The following ATP11A variants were observed in gnomAD, a reference collection of about 807,000 sequenced individuals.
The protein encoded by ATP11A is ATPase phospholipid transporting 11A.
Under a neutral mutation model 154.4 loss-of-function variants are expected in ATP11A, and 81 were observed. The observed-to-expected ratio is 0.52, with a 90% CI of 0.44 to 0.63. The LOEUF (loss-of-function observed/expected upper bound fraction) is 0.63. Among genes scored for constraint, ATP11A ranks in the 30% least tolerant of loss-of-function variants. ATP11A has a pLI of 0.00. For synonymous variants in ATP11A, 623 were observed against 585.9 expected (o/e 1.06, Z -0.91); for missense variants, 1,316 against 1,474.3 (o/e 0.89, Z 1.76).
At chr13:112,821,519 G>T (rs552832111) in intron 8 of ATP11A, among the ~76,000 whole-genome samples, 1 of 152,068 alleles carries the variant, frequency 6.6e-6, no homozygotes, top group Non-Finnish European at 1.5e-5. Context: ...TTGCCATGTC[G>T]GTCAAGCTAG....
In ATP11A at chr13:112,690,092, GCCGCGGCCGGGGTGCTCC is replaced by G; in HGVS notation, c.-324_-307del. On this transcript the variant is annotated 5_prime_UTR_variant, in exon 1 of 30. Coordinates refer to ENST00000375645, the MANE Select transcript of ATP11A (RefSeq NM_015205.3). This position sits in a 1 kb window ranked among gnomAD's most constrained non-coding sequence, Gnocchi z 5.6. ...TCGGGAGGAGCAGAGCGCAGGCTCC[GCCGCGGCCGGGGTGCTCC>G]AGCCGAGCCCAACCGAGCGGGCGGA... Among the ~76,000 whole-genome samples, 1 of 148,536 alleles carries G rather than the reference GCCGCGGCCGGGGTGCTCC, an allele frequency of 6.7e-6. No individual in the cohort carries two copies. The highest frequency in any genetic ancestry group is 1.5e-5 in the Non-Finnish European group (1 of 66,536).
Position 112,806,249 on chromosome 13 carries a change from G to A in ATP11A, c.289G>A (p.Gly97Arg), listed in dbSNP as rs150693839. The change falls in exon 4 of 30, where the codon GGA becomes AGA. Residue 97 changes from glycine to arginine, a missense_variant. This residue lies in a region of ATP11A where 4 missense variants were observed against 16.9 expected (regional missense o/e 0.24). Transcript: ENST00000375645. The stretch of plus-strand genomic sequence containing the variant: ...TACACCCACAAGTCCAGTGACAAGC[G>A]GACTTCCACTCTTCTTTGTCATTAC... Reference protein sequence around the residue: ...IDTPTSPVTSGLPLFFVITVT... With the variant: ...IDTPTSPVTSRLPLFFVITVT... The A allele has an allele frequency of 5.0e-6, 8 of 1,613,278 alleles. No homozygotes were observed. Among genetic ancestry groups the A allele is most frequent in the African/African-American group, 1.3e-5 (1 of 74,844 alleles).
chr13:112,818,398 CCT>C (rs1347752332), intron 6 of ATP11A, among the ~76,000 whole-genome samples: 9 of 152,176 alleles, frequency 5.9e-5, no homozygotes, highest in East Asian at 5.8e-4. Context: ...ACCGTGTCCC[CCT>C]GATTTGTGCA....
chr13:112,753,837 T>C lies in ATP11A; in HGVS notation c.40-31298T>C, dbSNP rs967877437. 6.6e-6 allele frequency among the ~76,000 whole-genome samples: 1 copy of C among 152,342 alleles called. No individual in the cohort carries two copies. Among genetic ancestry groups the C allele is most frequent in the African/African-American group, 2.4e-5 (1 of 41,558 alleles). On this transcript the variant is annotated intron_variant, in intron 1 of 29. Transcript: ENST00000375645. The surrounding 1 kb of genome is among the most constrained non-coding windows in gnomAD (Gnocchi z 4.1). ...ATTTAACTGCAGTCAAACAGGCTTA[T>C]GTTAGAAGCGCTTTTTCCAAAATGC...
intron 16 of ATP11A, among the ~76,000 whole-genome samples, chr13:112,839,104 G>A (rs7981466): frequency 0.014 from 2,200 of 152,182 alleles, 57 homozygotes; most frequent in African/African-American, 0.05. Context: ...GATTCTCCAC[G>A]GTGGAATTTT....
chr13:112,715,426 ACCTCC>A (rs1888324891), intron 1 of ATP11A, among the ~76,000 whole-genome samples: 1 of 50,742 alleles, frequency 2.0e-5, no homozygotes, highest in Non-Finnish European at 3.5e-5. Context: ...CACCTGGCCC[ACCTCC>A]CCACACCTGG....
rs567193358 is a variant in ATP11A at position 112,722,249 on chromosome 13, A to G, written c.39+31794A>G. ...GTACAATGGTTTTGCCCAGAAATGC[A>G]GGACAGCTGTAAGTGGGCCGGCGGG... On this transcript the variant is annotated intron_variant, in intron 1 of 29. Coordinates refer to ENST00000375645, the MANE Select transcript of ATP11A (RefSeq NM_015205.3). Among the ~76,000 whole-genome samples, 38 of 123,042 alleles carry G rather than the reference A, an allele frequency of 3.1e-4. No homozygotes were observed. The South Asian group carries it at 0.01, about 33-fold the overall frequency. The allele number at this position is 123,042 out of a possible 152,430, so 80.7% of individuals were successfully genotyped here.
chr13:112,816,397 T>C (rs1476421035), intron 6 of ATP11A, among the ~76,000 whole-genome samples, 186 bp downstream of exon 6: 1 of 152,244 alleles, frequency 6.6e-6, no homozygotes, highest in Non-Finnish European at 1.5e-5. Context: ...TTCTTTTTCC[T>C]TTTTAAAAAT....
chr13:112,757,247 C>T lies in ATP11A; in HGVS notation c.40-27888C>T, dbSNP rs559338640. 1.2e-4 allele frequency among the ~76,000 whole-genome samples: 18 copies of T among 152,332 alleles called. No homozygotes were observed. The East Asian group carries it at 2.7e-3, about 23-fold the overall frequency. On this transcript the variant is annotated intron_variant, in intron 1 of 29. Coordinates refer to ENST00000375645, the MANE Select transcript of ATP11A (RefSeq NM_015205.3). The stretch of plus-strand genomic sequence containing the variant: ...AGCTGTGCTCATGGCAGAACAAAGA[C>T]GTGCTGTGTTTCTGGCCTTTGTGTT...
In ATP11A at chr13:112,883,645, C is replaced by T. The variant is rs906504809; in HGVS notation, c.*1779C>T. On this transcript the variant is annotated 3_prime_UTR_variant, in exon 30 of 30. Transcript: ENST00000375645. ...TGGGATAAAATAAGGTGACAAACAT[C>T]ACACCAAAGATGAGGGTAGCGAGCA... 3 of 153,328 alleles carry T rather than the reference C, an allele frequency of 2.0e-5. No individual in the cohort carries two copies. Among genetic ancestry groups the T allele is most frequent in the African/African-American group, 7.2e-5 (3 of 41,506 alleles). 9.5% of individuals were successfully genotyped at this position (153,328 alleles called of 1,614,324 possible).
intron 1 of ATP11A, among the ~76,000 whole-genome samples, chr13:112,774,272 G>A (rs1282306206): frequency 3.9e-5 from 6 of 152,312 alleles, no homozygotes; most frequent in South Asian, 2.1e-4. Flanking sequence ...CCCAGGTTTC[G>A]TAAGTCATCT....
rs538643668 is a variant in ATP11A, at chr13:112,882,133, G to T, written c.*267G>T. 18 of 1,327,372 alleles carry T rather than the reference G, an allele frequency of 1.4e-5. No individual in the cohort carries two copies. The highest frequency in any genetic ancestry group is 2.0e-6 in the Non-Finnish European group (2 of 1,002,704). The allele number at this position is 1,327,372 out of a possible 1,614,324, so 82.2% of individuals were successfully genotyped here. ...TGGCCCCCAGCAGGCAAGGAGGGGG[G>T]TCACAGGCCTTGCCCTCGAGCATGG... On this transcript the variant is annotated 3_prime_UTR_variant, in exon 30 of 30. Transcript: ENST00000375645. This position sits in a 1 kb window ranked among gnomAD's most constrained non-coding sequence, Gnocchi z 5.1.
chr13:112,870,748 G>A (rs575049163), intron 25 of ATP11A, among the ~76,000 whole-genome samples: 61 of 152,308 alleles, frequency 4.0e-4, no homozygotes, highest in African/African-American at 1.1e-3. Flanking sequence ...ACTAGAAATC[G>A]TCTGGGCCAC....
chr13:112,833,160 C>T, intron 14 of ATP11A, 137 bp downstream of exon 14: 1 of 1,124,622 alleles, frequency 8.9e-7, no homozygotes. Context: ...TGCCTTTGCA[C>T]CCAGCTTCTC....
rs775519853 is a variant in ATP11A at position 112,826,799 on chromosome 13, T to A, written c.1129T>A (p.Tyr377Asn). 1 of 1,614,168 alleles carries A rather than the reference T, an allele frequency of 6.2e-7. No individual in the cohort carries two copies. The highest frequency in any genetic ancestry group is 8.5e-7 in the Non-Finnish European group (1 of 1,180,040). ...TVEMQKFLGS[Y>N]FITWDEDMFD... ...CGAGATGCAGAAGTTCCTCGGCTCT[T>A]ACTTCATCACCTGGGACGAAGACAT... is the stretch of plus-strand genomic sequence containing the variant. The change falls in exon 12 of 30, where the codon TAC (tyrosine) becomes AAC (asparagine). Residue 377 changes from tyrosine to asparagine, a missense_variant. Physicochemically the swap from Tyr to Asn is moderately radical, Grantham distance 143. Coordinates refer to ENST00000375645, the MANE Select transcript of ATP11A (RefSeq NM_015205.3).
At chr13:112,787,913 T>TG (rs1182311944) in intron 2 of ATP11A, among the ~76,000 whole-genome samples, 1 of 148,940 alleles carries the variant, frequency 6.7e-6, no homozygotes, top group Non-Finnish European at 1.5e-5. Flanking sequence ...TGTAGACCCT[T>TG]GCGGAGACCT....
intron 17 of ATP11A, among the ~76,000 whole-genome samples, chr13:112,849,033 C>T (rs1462506030): frequency 1.3e-5 from 2 of 152,212 alleles, no homozygotes; most frequent in African/African-American, 4.8e-5. Context: ...GAGGTTTCTT[C>T]TCTCCCCAGT....
intron 28 of ATP11A, among the ~76,000 whole-genome samples, chr13:112,876,975 T>G (rs74338754): frequency 0.011 from 1,722 of 152,316 alleles, 20 homozygotes; most frequent in Non-Finnish European, 0.019. Context: ...TGGTGCCGAT[T>G]TGAAATGTTG....
chr13:112,867,755 C>T (rs1243289902), intron 25 of ATP11A, among the ~76,000 whole-genome samples: 1 of 152,178 alleles, frequency 6.6e-6, no homozygotes, highest in South Asian at 2.1e-4. Flanking sequence ...CGTGCAGCCC[C>T]GGGGTGATGC....
Sources: gnomAD v4.1 joint callset for allele counts (sites outside exome capture counted in the v4.1 genomes callset) on GRCh38, gnomAD v4.1.1 for gene constraint, gnomAD v4.1.1 regional missense constraint, Gnocchi (gnomAD v3.1) non-coding constraint, MANE v1.5 for transcripts, NCBI Gene and HGNC (gene_info 2026-07-23, HGNC 2026-07-21) for gene names.